Variants in UBE2D1 observed in about 807,000 individuals in gnomAD.
The protein encoded by UBE2D1 is ubiquitin-conjugating enzyme E2 D1.
In UBE2D1, 9 loss-of-function variants were observed where a neutral mutation model predicts 24.6. That is an observed-to-expected ratio of 0.37 (90% CI 0.22 to 0.64). UBE2D1 has a LOEUF of 0.64. UBE2D1 is among the 30% of genes least tolerant of loss of function. The pLI, the probability that UBE2D1 is intolerant of heterozygous loss-of-function variation, is 0.64. For synonymous variants in UBE2D1, 57 were observed against 57.6 expected (o/e 0.99, Z 0.04); for missense variants, 87 against 177.1 (o/e 0.49, Z 2.89).
At position 58,369,769 on chromosome 10, in the gene UBE2D1, G is replaced by A. The variant is rs936750046; in HGVS notation, c.*1004G>A. The stretch of plus-strand genomic sequence containing the variant: ...TTAGTATCTCTTTACTAAATTGTCA[G>A]TCTATAAGATAATATATGTTGATCC... On this transcript the variant is annotated 3_prime_UTR_variant, in exon 7 of 7. Coordinates refer to ENST00000373910, the MANE Select transcript of UBE2D1 (RefSeq NM_003338.5). 1.3e-4 allele frequency: 20 copies of A among 151,944 alleles called. No homozygotes were observed. The highest frequency in any genetic ancestry group is 4.8e-4 in the African/African-American group (20 of 41,382). The allele number at this position is 151,944 out of a possible 1,614,324, so 9.4% of individuals were successfully genotyped here. A position where few individuals can be genotyped will look rare whatever the true frequency, so the allele number is the denominator to read the frequency against.
At chr10:58,362,444 A>G (rs1219376801) in intron 3 of UBE2D1, among the ~76,000 whole-genome samples, 3 of 152,198 alleles carry the variant, frequency 2.0e-5, no homozygotes, top group African/African-American at 7.2e-5. Context: ...AATACAATGT[A>G]TTTATATAAC....
Position 58,364,865 on chromosome 10 carries a change from CTG to C in UBE2D1, c.295_296del (p.Val99IlefsTer13). On this transcript the variant is annotated frameshift_variant, in exon 5 of 7. Coordinates refer to ENST00000373910, the MANE Select transcript of UBE2D1 (RefSeq NM_003338.5). LOFTEE classifies it high-confidence loss of function. ...AGGTCACAATGGTCACCAGCTCTGA[CTG>C]TATCAAAAGGTAATTTCATTGATCA... is the stretch of plus-strand genomic sequence containing the variant. The C allele has an allele frequency of 5.0e-6, 8 of 1,612,172 alleles. No homozygotes were observed. Among genetic ancestry groups the C allele is most frequent in the Non-Finnish European group, 6.8e-6 (8 of 1,178,542 alleles).
chr10:58,367,048 A>AT (rs1194334645), intron 5 of UBE2D1, among the ~76,000 whole-genome samples: 8 of 152,020 alleles, frequency 5.3e-5, no homozygotes, highest in African/African-American at 1.4e-4. Context: ...TAAAATACTA[A>AT]TTTTTTCTTT....
chr10:58,346,719 T>C (rs988415995), intron 1 of UBE2D1, among the ~76,000 whole-genome samples: 8 of 152,288 alleles, frequency 5.3e-5, no homozygotes, highest in Middle Eastern at 3.4e-3. Context: ...TAAGGACTTA[T>C]AAGTCTTACA....
At chr10:58,338,439 A>G (rs972391366) in intron 1 of UBE2D1, among the ~76,000 whole-genome samples, 1 of 152,176 alleles carries the variant, frequency 6.6e-6, no homozygotes, top group African/African-American at 2.4e-5. Flanking sequence ...GCAGTCACCT[A>G]AATCATTAAA....
chr10:58,360,983 A>G, intron 1 of UBE2D1: 1 of 463,072 alleles, frequency 2.2e-6, no homozygotes, highest in Non-Finnish European at 4.2e-6. Context: ...CTCCCTCAAT[A>G]GATTGTAACC....
intron 1 of UBE2D1, among the ~76,000 whole-genome samples, chr10:58,340,826 C>T (rs1216247626): frequency 6.6e-6 from 1 of 152,206 alleles, no homozygotes; most frequent in African/African-American, 2.4e-5. Context: ...TTCTTAACCA[C>T]TTCAGTACAT....
At chr10:58,358,398 C>A (rs1840156527) in intron 1 of UBE2D1, among the ~76,000 whole-genome samples, 1 of 152,174 alleles carries the variant, frequency 6.6e-6, no homozygotes, top group Non-Finnish European at 1.5e-5. Flanking sequence ...TGTTACAAGG[C>A]ACAGCCCTTC....
intron 1 of UBE2D1, among the ~76,000 whole-genome samples, chr10:58,355,507 T>C (rs1451699085): frequency 6.6e-6 from 1 of 152,066 alleles, no homozygotes; most frequent in East Asian, 1.9e-4. Context: ...ATATAGTACA[T>C]CTGATTAAAT....
chr10:58,347,153 G>A (rs1185154790), intron 1 of UBE2D1, among the ~76,000 whole-genome samples: 3 of 152,122 alleles, frequency 2.0e-5, no homozygotes, highest in Admixed American at 1.3e-4. Context: ...TCTTCTACAC[G>A]TTGGACCTCA....
At chr10:58,360,715 T>G (rs1368096041) in intron 1 of UBE2D1, among the ~76,000 whole-genome samples, 1 of 151,922 alleles carries the variant, frequency 6.6e-6, no homozygotes, top group Non-Finnish European at 1.5e-5. Flanking sequence ...AGCACAGGAG[T>G]TGGAGAACAA....
rs202122521 is a variant in UBE2D1 at position 58,337,853 on chromosome 10, C to CT, written c.24+2639dup. On this transcript the variant is annotated intron_variant, in intron 1 of 6. Transcript: ENST00000373910. The stretch of plus-strand genomic sequence containing the variant: ...GGAGTGCTTTGTCCAAAGATAATCT[C>CT]TTTTTTTTTTTGAGATGGAGTCTTG... 8.6e-4 allele frequency among the ~76,000 whole-genome samples: 127 copies of CT among 146,878 alleles called. No individual in the cohort carries two copies. The Middle Eastern group carries it at 0.011, about 12-fold the overall frequency.
At chr10:58,352,320 A>G (rs1413381214) in intron 1 of UBE2D1, among the ~76,000 whole-genome samples, 2 of 152,130 alleles carry the variant, frequency 1.3e-5, no homozygotes, top group African/African-American at 4.8e-5. Context: ...TTTCTGTATT[A>G]AGGCTTTGCA....
At chr10:58,355,796 A>T (rs1445085537) in intron 1 of UBE2D1, among the ~76,000 whole-genome samples, 2 of 152,190 alleles carry the variant, frequency 1.3e-5, no homozygotes, top group East Asian at 3.8e-4. Context: ...GTGCAGTTAA[A>T]CAAGGAAAGC....
At chr10:58,356,916 T>C (rs999725274) in intron 1 of UBE2D1, among the ~76,000 whole-genome samples, 3 of 152,146 alleles carry the variant, frequency 2.0e-5, no homozygotes, top group Non-Finnish European at 2.9e-5. Flanking sequence ...TAATGCAGCA[T>C]GTGATAAAGA....
At chr10:58,364,062 A>G (rs777243707) in intron 4 of UBE2D1, among the ~76,000 whole-genome samples, 3 of 151,550 alleles carry the variant, frequency 2.0e-5, no homozygotes, top group Non-Finnish European at 4.4e-5. Context: ...ATAAACATTC[A>G]CCGAGTACCT....
intron 5 of UBE2D1, among the ~76,000 whole-genome samples, chr10:58,366,795 C>G (rs1589004869): frequency 1.3e-5 from 2 of 152,090 alleles, no homozygotes; most frequent in South Asian, 4.2e-4. Context: ...GTTGCCCAGG[C>G]TGGTCTCGAA....
chr10:58,359,433 T>C (rs922906628), intron 1 of UBE2D1, among the ~76,000 whole-genome samples: 4 of 152,222 alleles, frequency 2.6e-5, no homozygotes, highest in African/African-American at 9.6e-5. Flanking sequence ...TACATCATTC[T>C]CATGGTTTTA....
At chr10:58,366,851 G>GC (rs1840261221) in intron 5 of UBE2D1, among the ~76,000 whole-genome samples, 1 of 152,014 alleles carries the variant, frequency 6.6e-6, no homozygotes, top group South Asian at 2.1e-4. Flanking sequence ...CAAGTAGCTG[G>GC]CATTATAGGC....
Sources: allele counts gnomAD v4.1 joint callset (sites outside exome capture counted in the v4.1 genomes callset), GRCh38; gene constraint gnomAD v4.1.1; transcripts MANE v1.5; gene names NCBI Gene and HGNC (gene_info 2026-07-23, HGNC 2026-07-21).